RGS12: variants seen among roughly 807,000 people sequenced by gnomAD.
RGS12 encodes regulator of G-protein signaling 12.
A neutral mutation model predicts 120.1 loss-of-function variants in RGS12; 66 were observed. The ratio of observed to expected loss-of-function variants is 0.55; its 90% CI spans 0.45 to 0.67. RGS12 has a LOEUF of 0.67. Among genes scored for constraint, RGS12 ranks in the 30% least tolerant of loss-of-function variants. The pLI is 0.00. For synonymous variants in RGS12, 827 were observed against 804.7 expected (o/e 1.03, Z -0.47); for missense variants, 1,859 against 1,957.7 (o/e 0.95, Z 0.95).
At chr4:3,304,232 T>C (rs1723850738) in intron 1 of RGS12, among the ~76,000 whole-genome samples, 1 of 152,144 alleles carries the variant, frequency 6.6e-6, no homozygotes, top group East Asian at 1.9e-4. Context: ...CCTGGGACAT[T>C]TTATGTATTG....
chr4:3,435,360 G>A (rs762935096), intron 17 of RGS12, among the ~76,000 whole-genome samples: 1 of 152,070 alleles, frequency 6.6e-6, no homozygotes, highest in South Asian at 2.1e-4. Flanking sequence ...GGCAGCTCCC[G>A]TGCCCCGCCC....
At chr4:3,310,640 T>A (rs1303060854) in intron 1 of RGS12, among the ~76,000 whole-genome samples, 2 of 151,130 alleles carry the variant, frequency 1.3e-5, no homozygotes, top group Non-Finnish European at 1.5e-5. Flanking sequence ...CGGGTCTGCA[T>A]GGGGCGGGTA....
chr4:3,411,482 T>C (rs1320763), intron 4 of RGS12, among the ~76,000 whole-genome samples: 38,423 of 147,392 alleles, frequency 0.26, 5,165 homozygotes, highest in East Asian at 0.45. Context: ...TTGCTCATCT[T>C]GTTTGTTCCC....
At chr4:3,438,637 G>A (rs1273292655) in intron 17 of RGS12, among the ~76,000 whole-genome samples, 6 of 152,172 alleles carry the variant, frequency 3.9e-5, no homozygotes, top group African/African-American at 7.2e-5. Flanking sequence ...AGGGGTCCAC[G>A]TGGAGGTCAC....
chr4:3,393,881 G>A (rs79989137), intron 4 of RGS12, among the ~76,000 whole-genome samples: 6,060 of 152,250 alleles, frequency 0.04, 205 homozygotes, highest in African/African-American at 0.092. Context: ...TTTCCCAAAA[G>A]CTGCCTCACA....
At chr4:3,347,747 C>G (rs1261286022) in intron 3 of RGS12, among the ~76,000 whole-genome samples, 1 of 152,044 alleles carries the variant, frequency 6.6e-6, no homozygotes, top group African/African-American at 2.4e-5. Flanking sequence ...AAAATCAAAA[C>G]AATAACAATG....
chr4:3,317,668 A>T lies in RGS12; in HGVS notation c.1498A>T (p.Lys500Ter). The T allele has an allele frequency of 6.2e-7, 1 of 1,604,934 alleles. No homozygotes were observed. Among genetic ancestry groups the T allele is most frequent in the South Asian group, 1.1e-5 (1 of 90,678 alleles). Residue 500 changes from lysine (K) to a stop codon, truncating the protein, a stop_gained, in exon 2 of 18, where the codon AAG (lysine) becomes TAG (stop). Transcript: ENST00000336727. LOFTEE classifies it high-confidence loss of function. ...HQTDRFWDLN[K>*]HLGPASPVEV... ...GACTGACAGGTTCTGGGACCTAAACAAGCACCTAGGGCCAGCCTCTCCTGT... is the reference window on the plus strand; with the variant it reads ...GACTGACAGGTTCTGGGACCTAAACTAGCACCTAGGGCCAGCCTCTCCTGT...
intron 1 of RGS12, among the ~76,000 whole-genome samples, chr4:3,308,195 TC>T (rs1416907906): frequency 6.6e-6 from 1 of 152,232 alleles, no homozygotes; most frequent in Non-Finnish European, 1.5e-5. Context: ...TCTGCTGTGT[TC>T]CTCCCAACGC....
Position 3,356,561 on chromosome 4 carries a change from A to T in RGS12, c.1998+13508A>T, listed in dbSNP as rs953714312. Among the ~76,000 whole-genome samples the T allele has an allele frequency of 3.3e-5, 4 of 119,486 alleles. No homozygotes were observed. In the East Asian group the frequency reaches 1.1e-3, roughly 33 times the overall value. 78.4% of individuals were successfully genotyped at this position (119,486 alleles called of 152,430 possible). On this transcript the variant is annotated intron_variant, in intron 3 of 17. Coordinates refer to ENST00000336727, the MANE Select transcript of RGS12 (RefSeq NM_001394154.1). Reference sequence around the variant, plus strand: ...CCCCCACCCCCAACCCCTGGCAGCCACCATTCTACTTTCTATCTCTATGAT... The same window carrying T: ...CCCCCACCCCCAACCCCTGGCAGCCTCCATTCTACTTTCTATCTCTATGAT...
At chr4:3,379,717 C>T (rs1305208914) in intron 3 of RGS12, among the ~76,000 whole-genome samples, 1 of 152,072 alleles carries the variant, frequency 6.6e-6, no homozygotes, top group African/African-American at 2.4e-5. Context: ...GGGGAAAGCC[C>T]CTTATAAAAC....
At chr4:3,319,952 G>C (rs949607538) in intron 2 of RGS12, among the ~76,000 whole-genome samples, 3 of 152,252 alleles carry the variant, frequency 2.0e-5, no homozygotes, top group Non-Finnish European at 4.4e-5. Context: ...GTATTGGGCA[G>C]GGATGGGAGG....
chr4:3,318,154 C>T (rs1451414459), intron 2 of RGS12, 103 bp downstream of exon 2: 4 of 1,046,448 alleles, frequency 3.8e-6, no homozygotes, highest in Non-Finnish European at 5.6e-6. Flanking sequence ...CTGGCTTCCT[C>T]CTGCTGGCCC....
At chr4:3,286,336 G>A in the RGS12 span, among the ~76,000 whole-genome samples, 3 of 152,186 alleles carry the variant, frequency 2.0e-5, 1 homozygote, top group South Asian at 6.2e-4. Flanking sequence ...CCCGGTTTCT[G>A]TTCCCCATTA....
intron 4 of RGS12, among the ~76,000 whole-genome samples, chr4:3,394,267 A>G (rs2109006899): frequency 6.6e-6 from 1 of 151,908 alleles, no homozygotes; most frequent in Non-Finnish European, 1.5e-5. Flanking sequence ...GGTTCAAGTG[A>G]TTCTTGTGCC....
chr4:3,334,007 T>G (rs759249238), intron 2 of RGS12, among the ~76,000 whole-genome samples: 6 of 152,232 alleles, frequency 3.9e-5, no homozygotes, highest in Non-Finnish European at 7.3e-5. Context: ...ATTCTCTAGC[T>G]AGATTTATTT....
intron 3 of RGS12, among the ~76,000 whole-genome samples, chr4:3,351,013 G>A (rs1189469476): frequency 6.6e-6 from 1 of 151,896 alleles, no homozygotes; most frequent in East Asian, 1.9e-4. Flanking sequence ...TGACAAAACG[G>A]AACTTTTATC....
intron 3 of RGS12, chr4:3,385,874 T>C (rs1488713458): frequency 1.9e-5 from 3 of 158,552 alleles, no homozygotes; most frequent in Non-Finnish European, 4.1e-5. Context: ...GCTGCCACCC[T>C]GAGTGGTCAT....
chr4:3,369,245 G>A (rs1394892268), intron 3 of RGS12, among the ~76,000 whole-genome samples: 1 of 152,244 alleles, frequency 6.6e-6, no homozygotes, highest in Admixed American at 6.5e-5. Context: ...GCCTTCTAAG[G>A]AAGCTTGAGC....
At chr4:3,288,437 C>T (rs1410409756), upstream of RGS12, among the ~76,000 whole-genome samples, 1 of 152,216 alleles carries the variant, frequency 6.6e-6, no homozygotes, top group Non-Finnish European at 1.5e-5. This position sits in a 1 kb window ranked among gnomAD's most constrained non-coding sequence, Gnocchi z 5.2. Context: ...TCCTGAGGCA[C>T]AGCTTCCCCC....
Sources: gnomAD v4.1 joint callset for allele counts (sites outside exome capture counted in the v4.1 genomes callset) on GRCh38, gnomAD v4.1.1 for gene constraint, Gnocchi (gnomAD v3.1) non-coding constraint, MANE v1.5 for transcripts, NCBI Gene and HGNC (gene_info 2026-07-23, HGNC 2026-07-21) for gene names.